Variants in EYS observed in about 807,000 individuals in gnomAD.
The protein encoded by EYS is protein eyes shut homolog.
In EYS, 250 loss-of-function variants were observed where a neutral mutation model predicts 282.1. The ratio of observed to expected loss-of-function variants is 0.89; its 90% confidence interval spans 0.80 to 0.98. The LOEUF is 0.98. Among genes scored for constraint, EYS ranks in the 50% least tolerant of loss-of-function variants. EYS has a pLI of 0.00. For missense variants in EYS, 4,016 were observed against 3,709.0 expected, an observed-to-expected ratio of 1.08 and a Z score of -2.15; for synonymous variants, 1,355 against 1,282.9, an observed-to-expected ratio of 1.06 and a Z score of -1.20.
chr6:64,010,694 G>T (rs1471695392), intron 33 of EYS, among the ~76,000 whole-genome samples: 2 of 151,970 alleles, frequency 1.3e-5, no homozygotes, highest in Non-Finnish European at 2.9e-5. Flanking sequence ...TTCATGTCCT[G>T]TGTTCTTCTG....
intron 41 of EYS, among the ~76,000 whole-genome samples, chr6:63,753,140 G>GTATA (rs33925107): frequency 0.015 from 2,027 of 135,978 alleles, 21 homozygotes; most frequent in Non-Finnish European, 0.022. Context: ...GTGTGTGTGT[G>GTATA]TATATATATA....
At chr6:65,409,921 T>C (rs532777271) in intron 5 of EYS, among the ~76,000 whole-genome samples, 1 of 152,070 alleles carries the variant, frequency 6.6e-6, no homozygotes, top group Admixed American at 6.6e-5. Flanking sequence ...TTGACATTAT[T>C]ATTTGAAAAC....
intron 2 of EYS, among the ~76,000 whole-genome samples, chr6:65,596,443 G>A (rs1013707015): frequency 3.9e-5 from 6 of 151,916 alleles, no homozygotes; most frequent in Non-Finnish European, 5.9e-5. Context: ...TAAAAACAAA[G>A]GCCTACATTA....
chr6:65,350,564 A>G (rs1770559689), intron 9 of EYS, among the ~76,000 whole-genome samples: 2 of 151,722 alleles, frequency 1.3e-5, no homozygotes, highest in Admixed American at 6.6e-5. Flanking sequence ...CTTCAAGAAG[A>G]AAGAGATTTA....
At chr6:64,261,621 T>A (rs1197103498) in intron 30 of EYS, among the ~76,000 whole-genome samples, 2 of 152,074 alleles carry the variant, frequency 1.3e-5, no homozygotes, top group African/African-American at 4.8e-5. Flanking sequence ...AAATGAGATC[T>A]TAATCATTTA....
At chr6:64,051,013 T>C (rs1198396573) in intron 33 of EYS, among the ~76,000 whole-genome samples, 1 of 152,324 alleles carries the variant, frequency 6.6e-6, no homozygotes, top group East Asian at 1.9e-4. Flanking sequence ...CTGAATTCCA[T>C]TGTCTCTGAT....
At chr6:64,196,173 G>T (rs1305495213) in intron 31 of EYS, among the ~76,000 whole-genome samples, 1 of 152,176 alleles carries the variant, frequency 6.6e-6, no homozygotes, top group African/African-American at 2.4e-5. Context: ...TCAGAGAAAT[G>T]CAAATCAAAA....
chr6:65,485,224 G>T (rs1390622361), intron 5 of EYS, among the ~76,000 whole-genome samples: 1 of 152,160 alleles, frequency 6.6e-6, no homozygotes, highest in Admixed American at 6.5e-5. Flanking sequence ...ATTACTGACT[G>T]TATACAAACC....
At chr6:65,247,694 T>C (rs1482363362) in intron 12 of EYS, among the ~76,000 whole-genome samples, 1 of 152,124 alleles carries the variant, frequency 6.6e-6, no homozygotes, top group South Asian at 2.1e-4. Flanking sequence ...CAGAAGAAAA[T>C]AGAAGGATTA....
chr6:65,153,540 C>T (rs573106159), intron 12 of EYS, among the ~76,000 whole-genome samples: 3 of 151,802 alleles, frequency 2.0e-5, no homozygotes, highest in South Asian at 4.1e-4. Flanking sequence ...CATATCTACA[C>T]GAAGGCTAAT....
At chr6:64,908,196 G>T (rs775279156) in intron 16 of EYS, among the ~76,000 whole-genome samples, 1 of 152,080 alleles carries the variant, frequency 6.6e-6, no homozygotes, top group Admixed American at 6.5e-5. Context: ...TCAAGCTTTT[G>T]GGGGAGAGAG....
intron 29 of EYS, among the ~76,000 whole-genome samples, chr6:64,341,586 T>C (rs1771114582): frequency 6.6e-6 from 1 of 151,650 alleles, no homozygotes; most frequent in South Asian, 2.1e-4. Flanking sequence ...AAACTACCCA[T>C]TGGGTACTAT....
At chr6:65,589,687 TA>T (rs1765167988) in intron 2 of EYS, among the ~76,000 whole-genome samples, 1 of 151,944 alleles carries the variant, frequency 6.6e-6, no homozygotes, top group African/African-American at 2.4e-5. Context: ...ATTGTATACT[TA>T]AAAAAATTAA....
chr6:64,283,667 G>A (rs2150362532), intron 30 of EYS, among the ~76,000 whole-genome samples: 1 of 152,200 alleles, frequency 6.6e-6, no homozygotes, highest in East Asian at 1.9e-4. Context: ...TTCTGTATTA[G>A]TCCGTTTTCA....
intron 12 of EYS, among the ~76,000 whole-genome samples, chr6:65,060,416 C>G (rs1481524703): frequency 6.6e-6 from 1 of 151,888 alleles, no homozygotes; most frequent in African/African-American, 2.4e-5. Flanking sequence ...AATTCATCCC[C>G]TAAAGTACAG....
chr6:64,590,493 C>T lies in EYS; in HGVS notation c.5374G>A (p.Ala1792Thr), dbSNP rs901144230. The T allele has an allele frequency of 1.3e-6, 2 of 1,551,274 alleles. No individual in the cohort carries two copies. The highest frequency in any genetic ancestry group is 1.4e-5 in the African/African-American group (1 of 73,024). The change falls in exon 26 of 43, where the codon GCA becomes ACA. Residue 1792 changes from alanine to threonine, a missense_variant. Physicochemically the swap from Ala to Thr is moderately conservative, Grantham distance 58. Coordinates refer to ENST00000503581, the MANE Select transcript of EYS (RefSeq NM_001142800.2). ...PDFSEVTTNV[A>T]FYTVSATPAL... is the part of the protein sequence containing the mutation. ...GGAGTTGCTGAAACTGTATAAAATG[C>T]AACATTGGTGGTGACTTCTGAAAAA...
At chr6:65,221,093 T>C (rs1417819579) in intron 12 of EYS, among the ~76,000 whole-genome samples, 1 of 152,182 alleles carries the variant, frequency 6.6e-6, no homozygotes, top group African/African-American at 2.4e-5. Flanking sequence ...GGTTTGGAAT[T>C]GGAACTTATA....
At chr6:65,366,981 C>G (rs949120548) in intron 8 of EYS, among the ~76,000 whole-genome samples, 2 of 151,576 alleles carry the variant, frequency 1.3e-5, no homozygotes, top group African/African-American at 4.8e-5. Flanking sequence ...TATCAGGCCC[C>G]ATCTGATAAT....
At chr6:65,655,714 T>C (rs1582568935) in intron 1 of EYS, among the ~76,000 whole-genome samples, 1 of 151,866 alleles carries the variant, frequency 6.6e-6, no homozygotes, top group Non-Finnish European at 1.5e-5. Flanking sequence ...TCCAGCAAGA[T>C]GTGACTGAAT....
Sources: allele counts gnomAD v4.1 joint callset (sites outside exome capture counted in the v4.1 genomes callset), GRCh38; gene constraint gnomAD v4.1.1; transcripts MANE v1.5; gene names NCBI Gene and HGNC (gene_info 2026-07-23, HGNC 2026-07-21).